The following ANO4 variants were observed in gnomAD, a reference collection of about 807,000 sequenced individuals.
ANO4 encodes anoctamin 4, also known as anoctamin-4.
Under a neutral mutation model 141.9 loss-of-function variants are expected in ANO4, and 69 were observed. That is an observed-to-expected ratio of 0.49 (90% CI 0.40 to 0.59). The LOEUF (loss-of-function observed/expected upper bound fraction) is 0.59, where lower values mean the gene tolerates loss of function less well. Among genes scored for constraint, ANO4 ranks in the 20% least tolerant of loss-of-function variants. ANO4 has a pLI of 0.00. For missense variants in ANO4, 894 were observed against 1,162.2 expected, an observed-to-expected ratio of 0.77 and a Z score of 3.36; for synonymous variants, 350 against 394.3, an observed-to-expected ratio of 0.89 and a Z score of 1.33.
At chr12:101,047,566 A>G (rs902182696) in intron 13 of ANO4, among the ~76,000 whole-genome samples, 1 of 152,202 alleles carries the variant, frequency 6.6e-6, no homozygotes, top group African/African-American at 2.4e-5. Context: ...ATAGGTAGCT[A>G]TAAAGTACCC....
At chr12:100,853,215 G>A (rs949632562) in intron 1 of ANO4, among the ~76,000 whole-genome samples, 6 of 151,982 alleles carry the variant, frequency 3.9e-5, no homozygotes, top group Non-Finnish European at 5.9e-5. Flanking sequence ...GAATATGCAC[G>A]GCAAACATCT....
intron 1 of ANO4, among the ~76,000 whole-genome samples, chr12:100,889,225 G>A (rs567914130): frequency 2.9e-4 from 44 of 152,022 alleles, no homozygotes; most frequent in African/African-American, 9.9e-4. Flanking sequence ...ATTTTTTATG[G>A]CTGCATAGTA....
intron 7 of ANO4, among the ~76,000 whole-genome samples, chr12:100,980,140 G>A (rs1014305838): frequency 8.5e-5 from 13 of 152,112 alleles, no homozygotes; most frequent in Non-Finnish European, 8.8e-5. Flanking sequence ...CACAACTACA[G>A]AAGAATTTAG....
At chr12:100,771,734 A>C (rs1483006638) in intron 3 of ANO4, among the ~76,000 whole-genome samples, 1 of 152,210 alleles carries the variant, frequency 6.6e-6, no homozygotes, top group Non-Finnish European at 1.5e-5. Context: ...TGTTAGAAGG[A>C]CCTGAGGAAG....
At chr12:100,757,514 G>T (rs1473364092) in intron 3 of ANO4, among the ~76,000 whole-genome samples, 3 of 152,126 alleles carry the variant, frequency 2.0e-5, no homozygotes, top group Non-Finnish European at 4.4e-5. Flanking sequence ...CTACAAAGGT[G>T]GGCCTGATTG....
intron 2 of ANO4, 111 bp downstream of exon 2, chr12:100,901,951 G>C (rs2040613349): frequency 2.8e-6 from 3 of 1,076,044 alleles, no homozygotes; most frequent in African/African-American, 1.6e-5. Context: ...GCTTGCTTTT[G>C]TTAGGAGTCT....
intron 1 of ANO4, among the ~76,000 whole-genome samples, chr12:100,723,637 A>T (rs999338333): frequency 2.6e-5 from 4 of 152,320 alleles, no homozygotes; most frequent in Non-Finnish European, 5.9e-5. Flanking sequence ...ATTTCTGAGG[A>T]ACACACTCAT....
intron 7 of ANO4, among the ~76,000 whole-genome samples, chr12:100,983,894 G>A (rs983248210): frequency 6.6e-6 from 1 of 152,130 alleles, no homozygotes; most frequent in African/African-American, 2.4e-5. Flanking sequence ...TCTTTGTGGG[G>A]GCAACTCTGG....
chr12:100,756,432 C>A (rs1452486153), intron 3 of ANO4, among the ~76,000 whole-genome samples: 1 of 152,054 alleles, frequency 6.6e-6, no homozygotes, highest in Non-Finnish European at 1.5e-5. Flanking sequence ...TCACTGCAAC[C>A]TCTGCCTCCC....
chr12:100,802,004 C>A (rs1023159682), intron 1 of ANO4, among the ~76,000 whole-genome samples: 1 of 152,116 alleles, frequency 6.6e-6, no homozygotes, highest in African/African-American at 2.4e-5. Flanking sequence ...TTTTTTCTCA[C>A]CCATCCCTTT....
intron 1 of ANO4, among the ~76,000 whole-genome samples, chr12:100,896,539 C>T (rs1041973616): frequency 8.5e-5 from 13 of 152,158 alleles, no homozygotes; most frequent in African/African-American, 3.1e-4. Flanking sequence ...GACACAGAGC[C>T]CTGCCGACAC....
chr12:100,972,834 G>A (rs2043989017), intron 6 of ANO4, among the ~76,000 whole-genome samples: 1 of 152,158 alleles, frequency 6.6e-6, no homozygotes, highest in Non-Finnish European at 1.5e-5. Context: ...ACACACTTCT[G>A]TAACAAAGAA....
chr12:100,985,587 C>T lies in ANO4; in HGVS notation c.603-1952C>T, dbSNP rs187149613. ...GCCCCATAGTTCATGTTGTCAACCA[C>T]TGTGTCATGCTGCTTCTCTAAAGCC... On this transcript the variant is annotated intron_variant, in intron 7 of 27. Transcript: ENST00000392977. Among the ~76,000 whole-genome samples, 37 of 152,260 alleles carry T rather than the reference C, an allele frequency of 2.4e-4. 2 individuals are homozygous for T. Among genetic ancestry groups the T allele is most frequent in the Admixed American group, 1.1e-3 (17 of 15,296 alleles).
chr12:101,017,864 A>G (rs189723219), intron 8 of ANO4, among the ~76,000 whole-genome samples: 12 of 152,320 alleles, frequency 7.9e-5, no homozygotes, highest in Admixed American at 5.9e-4. Flanking sequence ...CTGTGTGTGT[A>G]TTCCTCTACA....
At chr12:101,035,069 T>C (rs531152249) in intron 9 of ANO4, among the ~76,000 whole-genome samples, 15 of 152,306 alleles carry the variant, frequency 9.8e-5, no homozygotes, top group African/African-American at 3.6e-4. Flanking sequence ...AGTTAAAGCA[T>C]ATATTGATGC....
At chr12:101,087,599 T>C (rs894410271) in intron 17 of ANO4, among the ~76,000 whole-genome samples, 15 of 152,160 alleles carry the variant, frequency 9.9e-5, no homozygotes, top group Admixed American at 2.0e-4. Flanking sequence ...CTGGTACATA[T>C]TGCTTTTGTT....
At chr12:100,882,958 C>T (rs537093298) in intron 1 of ANO4, among the ~76,000 whole-genome samples, 1 of 152,146 alleles carries the variant, frequency 6.6e-6, no homozygotes, top group African/African-American at 2.4e-5. Flanking sequence ...GTCTTGGCCT[C>T]CCAAATTGCT....
intron 1 of ANO4, among the ~76,000 whole-genome samples, chr12:100,798,380 T>C (rs1203131811): frequency 6.6e-6 from 1 of 152,226 alleles, no homozygotes; most frequent in Non-Finnish European, 1.5e-5. Context: ...GGAAGACTGT[T>C]CTTCAGCAGA....
chr12:100,923,521 A>T (rs1284994411), intron 3 of ANO4, among the ~76,000 whole-genome samples: 1 of 152,052 alleles, frequency 6.6e-6, no homozygotes, highest in Non-Finnish European at 1.5e-5. Context: ...CACATTTTTT[A>T]AATCCAGTCT....
Sources: gnomAD v4.1 joint callset for allele counts (sites outside exome capture counted in the v4.1 genomes callset) on GRCh38, gnomAD v4.1.1 for gene constraint, MANE v1.5 for transcripts, NCBI Gene and HGNC (gene_info 2026-07-23, HGNC 2026-07-21) for gene names.